DDAH1: variants seen among roughly 807,000 people sequenced by gnomAD.
The protein encoded by DDAH1 is N(G),N(G)-dimethylarginine dimethylaminohydrolase 1.
Under a neutral mutation model 28.8 loss-of-function variants are expected in DDAH1, and 19 were observed. That is an observed-to-expected ratio of 0.66 (90% CI 0.46 to 0.97). The LOEUF (loss-of-function observed/expected upper bound fraction) is 0.97, where lower values mean the gene tolerates loss of function less well. Among genes scored for constraint, DDAH1 ranks in the 50% least tolerant of loss-of-function variants. DDAH1 has a pLI of 0.00. For missense variants in DDAH1, 326 were observed against 375.9 expected, an observed-to-expected ratio of 0.87 and a Z score of 1.10; for synonymous variants, 153 against 154.4, an observed-to-expected ratio of 0.99 and a Z score of 0.07.
chr1:85,426,239 AAT>A lies in DDAH1; in HGVS notation c.303+38502_303+38503del, dbSNP rs531757195. 3.0e-4 allele frequency among the ~76,000 whole-genome samples: 45 copies of A among 152,346 alleles called. 2 individuals are homozygous for A. The South Asian group carries it at 8.3e-3, about 28-fold the overall frequency. ...AAATAATAGATTTAAGTTATAAAAT[AAT>A]AGTGTTAATGTAGTATCACTAGGCC... is the stretch of plus-strand genomic sequence containing the variant. On this transcript the variant is annotated intron_variant, in intron 1 of 5. Coordinates refer to ENST00000284031, the MANE Select transcript of DDAH1 (RefSeq NM_012137.4).
At chr1:85,404,303 T>A in intron 1 of DDAH1, 1 of 1,428,558 alleles carries the variant, frequency 7.0e-7, no homozygotes, top group South Asian at 1.3e-5. Flanking sequence ...ACATGAAACT[T>A]CTGCCTGTAG....
chr1:85,543,160 C>T (rs566046746), intron 1 of DDAH1, among the ~76,000 whole-genome samples: 1 of 152,294 alleles, frequency 6.6e-6, no homozygotes, highest in South Asian at 2.1e-4. Context: ...GGAGGTATAA[C>T]AAAAGACAAA....
intron 1 of DDAH1, among the ~76,000 whole-genome samples, chr1:85,562,989 T>A (rs1046075519): frequency 3.3e-5 from 5 of 152,220 alleles, no homozygotes; most frequent in African/African-American, 1.2e-4. Flanking sequence ...ACAACATTTT[T>A]CAGACATAGG....
intron 1 of DDAH1, among the ~76,000 whole-genome samples, chr1:85,574,017 AT>A (rs1481840799): frequency 6.6e-6 from 1 of 152,248 alleles, no homozygotes; most frequent in African/African-American, 2.4e-5. Flanking sequence ...TCTAGATGGC[AT>A]TTTAACATTG....
intron 1 of DDAH1, among the ~76,000 whole-genome samples, chr1:85,430,876 C>G (rs1183714581): frequency 6.6e-6 from 1 of 152,026 alleles, no homozygotes; most frequent in South Asian, 2.1e-4. Flanking sequence ...ATTTGAATAC[C>G]CTTTATTTCT....
chr1:85,459,846 G>A (rs142305184), intron 1 of DDAH1, among the ~76,000 whole-genome samples: 1 of 152,346 alleles, frequency 6.6e-6, no homozygotes, highest in African/African-American at 2.4e-5. Context: ...ATTTACGAGA[G>A]AAGGGAAGTA....
intron 1 of DDAH1, among the ~76,000 whole-genome samples, chr1:85,548,351 C>T (rs1658687825): frequency 1.3e-5 from 2 of 152,074 alleles, no homozygotes; most frequent in Admixed American, 1.3e-4. Context: ...ACTAACTCAC[C>T]CTTTAGTTTT....
chr1:85,568,258 T>G (rs142219212), intron 1 of DDAH1, among the ~76,000 whole-genome samples: 1 of 152,126 alleles, frequency 6.6e-6, no homozygotes, highest in African/African-American at 2.4e-5. Context: ...ATTAAGAAAC[T>G]AGACAAATAA....
At position 85,320,225 on chromosome 1, in the gene DDAH1, G is replaced by C. The variant is rs1244739219; in HGVS notation, c.*1227C>G. On this transcript the variant is annotated 3_prime_UTR_variant, in exon 6 of 6. Transcript: ENST00000284031. The stretch of plus-strand genomic sequence containing the variant: ...TCAGTTCAAAGTTGTGTAATTTAAA[G>C]GCTAGAGAAGAAAGAAGTTTAAATT... The C allele has an allele frequency of 6.6e-6, 1 of 152,602 alleles. No individual in the cohort carries two copies. Among genetic ancestry groups the C allele is most frequent in the African/African-American group, 2.4e-5 (1 of 41,442 alleles). 9.5% of individuals were successfully genotyped at this position (152,602 alleles called of 1,614,324 possible).
In DDAH1 at chr1:85,464,872, C is replaced by G. The variant is rs376320085; in HGVS notation, c.174G>C (p.Leu58=). 3 of 1,584,214 alleles carry G rather than the reference C, an allele frequency of 1.9e-6. No homozygotes were observed. Among genetic ancestry groups the G allele is most frequent in the Non-Finnish European group, 2.6e-6 (3 of 1,174,028 alleles). ...QLYVGVLGSK[L]GLQVVELPAD... is the part of the protein sequence containing the mutation. ...CCGGCAGCTCCACCACCTGCAGCCC[C>G]AGCTTGCTGCCCAGCACGCCCACGT... The change falls in exon 1 of 6, where the codon CTG becomes CTC. Residue 58 remains leucine, a synonymous_variant. Coordinates refer to ENST00000284031, the MANE Select transcript of DDAH1 (RefSeq NM_012137.4). The surrounding 1 kb of genome is among the most constrained non-coding windows in gnomAD (Gnocchi z 4.4).
chr1:85,413,291 T>A lies in DDAH1; in HGVS notation c.303+51452A>T, dbSNP rs1028178722. 8.5e-5 allele frequency among the ~76,000 whole-genome samples: 13 copies of A among 152,344 alleles called. No homozygotes were observed. In the South Asian group the frequency reaches 2.7e-3, roughly 32 times the overall value. On this transcript the variant is annotated intron_variant, in intron 1 of 5. Coordinates refer to ENST00000284031, the MANE Select transcript of DDAH1 (RefSeq NM_012137.4). ...CTATGAACCTGTGCCTTAGCACGTA[T>A]TTTTTGCAGCTGCTGATACACTGAA...
chr1:85,380,639 C>T (rs1650936471), intron 1 of DDAH1: 1 of 152,182 alleles, frequency 6.6e-6, no homozygotes, highest in African/African-American at 2.4e-5. Flanking sequence ...CTCTTATTTA[C>T]AATTCTGAAA....
chr1:85,523,409 G>A (rs1364428533), intron 1 of DDAH1, among the ~76,000 whole-genome samples: 5 of 152,070 alleles, frequency 3.3e-5, no homozygotes, highest in Non-Finnish European at 7.4e-5. Flanking sequence ...GAGAGCTCAA[G>A]TATATTTGAG....
At chr1:85,452,848 CA>C (rs1194019240) in intron 1 of DDAH1, among the ~76,000 whole-genome samples, 1 of 152,152 alleles carries the variant, frequency 6.6e-6, no homozygotes, top group Non-Finnish European at 1.5e-5. Context: ...CCAACAACAA[CA>C]AAAACTTTCT....
intron 1 of DDAH1, among the ~76,000 whole-genome samples, chr1:85,427,608 T>C (rs1268874406): frequency 3.3e-5 from 5 of 152,232 alleles, no homozygotes; most frequent in Admixed American, 6.5e-5. Context: ...GTCATCATCT[T>C]CTTACATGAT....
intron 1 of DDAH1, among the ~76,000 whole-genome samples, chr1:85,462,907 T>C (rs1340413790): frequency 6.6e-6 from 1 of 152,216 alleles, no homozygotes; most frequent in East Asian, 1.9e-4. Context: ...GAGTAAATCT[T>C]CCCTGATCCA....
intron 1 of DDAH1, among the ~76,000 whole-genome samples, chr1:85,573,746 A>T (rs543842217): frequency 6.6e-6 from 1 of 152,386 alleles, no homozygotes; most frequent in Admixed American, 6.5e-5. Flanking sequence ...GAAGTAGAAA[A>T]TTTGTAAAAA....
At chr1:85,358,655 A>T in intron 2 of DDAH1, 93 bp downstream of exon 2, 1 of 1,050,876 alleles carries the variant, frequency 9.5e-7, no homozygotes, top group Non-Finnish European at 1.4e-6. Context: ...TCAAAAACAA[A>T]AACAAAAAAA....
At chr1:85,340,774 T>C (rs1040039580) in intron 4 of DDAH1, among the ~76,000 whole-genome samples, 1 of 152,114 alleles carries the variant, frequency 6.6e-6, no homozygotes, top group South Asian at 2.1e-4. Context: ...AAAAAAAATC[T>C]GTGTTGTCCC....
Sources: gnomAD v4.1 joint callset for allele counts (sites outside exome capture counted in the v4.1 genomes callset) on GRCh38, gnomAD v4.1.1 for gene constraint, Gnocchi (gnomAD v3.1) non-coding constraint, MANE v1.5 for transcripts, NCBI Gene and HGNC (gene_info 2026-07-23, HGNC 2026-07-21) for gene names.